SAMD9: variants seen among roughly 807,000 people sequenced by gnomAD.
SAMD9 encodes the protein sterile alpha motif domain-containing protein 9.
A neutral mutation model predicts 1.5 loss-of-function variants in SAMD9; 3 were observed. The observed-to-expected ratio is 2.05, with a 90% CI of 0.93 to 5.29. The LOEUF (loss-of-function observed/expected upper bound fraction) is 5.29, where lower values mean the gene tolerates loss of function less well. SAMD9 is among the 30% of genes most tolerant of loss of function. The pLI, the probability that SAMD9 is intolerant of heterozygous loss-of-function variation, is 0.02. For synonymous variants in SAMD9, 635 were observed against 631.9 expected (o/e 1.00, Z -0.07); for missense variants, 1,597 against 1,820.8 (o/e 0.88, Z 2.24).
In SAMD9 at chr7:93,101,911, G is replaced by A; in HGVS notation, c.4187C>T (p.Ser1396Phe). The change falls in exon 3 of 3, where the codon TCC (serine) becomes TTC (phenylalanine). Residue 1396 changes from serine to phenylalanine, a missense_variant. By Grantham distance (155) the Ser-to-Phe change is radical. This residue lies in a region of SAMD9 where 682 missense variants were observed against 810.0 expected (regional missense o/e 0.84). Coordinates refer to ENST00000379958, the MANE Select transcript of SAMD9 (RefSeq NM_017654.4). ...TAATCTGGAGGTAGGTTGGATACAGGAGAGAATAATGTTGGCCAAGATGAA... is the reference window on the plus strand; with the variant it reads ...TAATCTGGAGGTAGGTTGGATACAGAAGAGAATAATGTTGGCCAAGATGAA... ...LNFILANIILSCIQPTSRLVK... is the reference protein window; with the variant it reads ...LNFILANIILFCIQPTSRLVK... 1 of 1,613,866 alleles carries A rather than the reference G, an allele frequency of 6.2e-7. No individual in the cohort carries two copies. The highest frequency in any genetic ancestry group is 2.2e-5 in the East Asian group (1 of 44,874).
intron 2 of SAMD9, among the ~76,000 whole-genome samples, chr7:93,113,494 A>G (rs919258474): frequency 6.6e-5 from 10 of 152,250 alleles, no homozygotes; most frequent in Non-Finnish European, 1.5e-4. Flanking sequence ...AGCAAAAGAA[A>G]CTATCATCAG....
chr7:93,102,762 T>G lies in SAMD9; in HGVS notation c.3336A>C (p.Ile1112=), dbSNP rs749938836. The change falls in exon 3 of 3, where the codon ATA becomes ATC. Residue 1112 remains isoleucine, a synonymous_variant. Transcript: ENST00000379958. ...ALNWAKQAKI[I]EPDNSYISDT... ...CTGAGATATAAGAATTGTCAGGTTC[T>G]ATGATTTTTGCTTGTTTTGCCCAGT... 2 of 1,613,896 alleles carry G rather than the reference T, an allele frequency of 1.2e-6. No homozygotes were observed. Among genetic ancestry groups the G allele is most frequent in the South Asian group, 2.2e-5 (2 of 91,086 alleles).
chr7:93,104,064 T>C lies in SAMD9; in HGVS notation c.2034A>G (p.Ser678=). ...DKNKFLEFKA[S]KEEDFYRGGK... ...CACCTCGATAGAAGTCTTCCTCTTT[T>C]GATGCCTTGAATTCAAGGAATTTAT... Residue 678 remains serine (S), a synonymous_variant, in exon 3 of 3, where the codon TCA becomes TCG. Transcript: ENST00000379958. 1 of 1,614,000 alleles carries C rather than the reference T, an allele frequency of 6.2e-7. No homozygotes were observed. The highest frequency in any genetic ancestry group is 8.5e-7 in the Non-Finnish European group (1 of 1,179,882).
chr7:93,101,250 G>T lies in SAMD9; in HGVS notation c.*78C>A. The T allele has an allele frequency of 8.7e-7, 1 of 1,147,024 alleles. No homozygotes were observed. Among genetic ancestry groups the T allele is most frequent in the African/African-American group, 1.5e-5 (1 of 66,116 alleles). 71.1% of individuals were successfully genotyped at this position (1,147,024 alleles called of 1,614,324 possible). A position where few individuals can be genotyped will look rare whatever the true frequency, so the allele number is the denominator to read the frequency against. On this transcript the variant is annotated 3_prime_UTR_variant, in exon 3 of 3. Transcript: ENST00000379958. ...AGAGGCTGTATCTATAACCTTGCCG[G>T]TTTAAAGCATAGATCTTGAGTCCAA...
Position 93,103,390 on chromosome 7 carries a change from T to C in SAMD9, c.2708A>G (p.Asn903Ser), listed in dbSNP as rs1252182538. The C allele has an allele frequency of 6.2e-7, 1 of 1,613,452 alleles. No homozygotes were observed. The highest frequency in any genetic ancestry group is 1.3e-5 in the African/African-American group (1 of 74,916). ...GAAAATATTCTGCCCTTTCAGGATA[T>C]TCCGGACCACATTTTCTATGTATTC... Reference protein sequence around the residue: ...NKEYIENVVRNILKGQNIFTK... With the variant: ...NKEYIENVVRSILKGQNIFTK... The change falls in exon 3 of 3, where the codon AAT (asparagine) becomes AGT (serine). Residue 903 changes from asparagine to serine, a missense_variant. Transcript: ENST00000379958.
At chr7:93,112,210 C>A (rs1432634408) in intron 2 of SAMD9, among the ~76,000 whole-genome samples, 4 of 152,274 alleles carry the variant, frequency 2.6e-5, no homozygotes, top group East Asian at 1.9e-4. Context: ...AAAACCACAT[C>A]ATTATCTCAA....
At chr7:93,109,706 A>C (rs1378324068) in intron 2 of SAMD9, among the ~76,000 whole-genome samples, 1 of 152,238 alleles carries the variant, frequency 6.6e-6, no homozygotes, top group Non-Finnish European at 1.5e-5. Flanking sequence ...AAAGGGTATC[A>C]GTGATTGATG....
At position 93,102,166 on chromosome 7, in the gene SAMD9, TC is replaced by T; in HGVS notation, c.3931del (p.Glu1311LysfsTer19). The T allele has an allele frequency of 1.2e-6, 2 of 1,613,624 alleles. No homozygotes were observed. The highest frequency in any genetic ancestry group is 1.7e-6 in the Non-Finnish European group (2 of 1,179,706). On this transcript the variant is annotated frameshift_variant, in exon 3 of 3. Transcript: ENST00000379958. LOFTEE classifies it low-confidence loss of function (END_TRUNC). ...AAGACCTGTGTTGTTTTGTGATTCT[TC>T]TAAGAGACAAAATATATCTACATAT... ...KKYVDIFCLL[E>X]ESQNNTGLGS... is the part of the protein sequence containing the mutation.
Position 93,110,308 on chromosome 7 carries a change from C to T in SAMD9, c.-8-4203G>A, listed in dbSNP as rs537522900. ...GCCTTACAAGAGCTCCTGAAGGAAG[C>T]ACTAAACATGGAAAGGAAAATCCGG... On this transcript the variant is annotated intron_variant, in intron 2 of 2. Transcript: ENST00000379958. Among the ~76,000 whole-genome samples, 12 of 152,230 alleles carry T rather than the reference C, an allele frequency of 7.9e-5. No individual in the cohort carries two copies. In the East Asian group the frequency reaches 2.1e-3, roughly 27 times the overall value.
rs1791598414 is a variant in SAMD9 at position 93,104,611 on chromosome 7, C to T, written c.1487G>A (p.Gly496Asp). Reference protein sequence around the residue: ...YHQPSWIFCNGRLDLDSEKYK... With the variant: ...YHQPSWIFCNDRLDLDSEKYK... The stretch of plus-strand genomic sequence containing the variant: ...TTTTTCACTGTCAAGGTCTAACCTG[C>T]CATTGCAGAAAATCCAGCTGGGTTG... The change falls in exon 3 of 3, where the codon GGC (glycine) becomes GAC (aspartate). Residue 496 changes from glycine (G) to aspartate (D), a missense_variant. Around this residue, in one of 6 missense-constraint regions of SAMD9, gnomAD observed 358 missense variants for 460.4 expected, o/e 0.78. Coordinates refer to ENST00000379958, the MANE Select transcript of SAMD9 (RefSeq NM_017654.4). The T allele has an allele frequency of 2.5e-6, 4 of 1,613,886 alleles. No homozygotes were observed. In the Admixed American group the frequency reaches 5.0e-5, roughly 20 times the overall value.
rs1051821381 is a variant in SAMD9 at position 93,115,580 on chromosome 7, T to A, written c.-109-685A>T. On this transcript the variant is annotated intron_variant, in intron 1 of 2. Transcript: ENST00000379958. ...GATGGAAATATTTTATATCTTGATA[T>A]GGCTAGCGGTTGCACAGATAAGTAC... 3.3e-5 allele frequency among the ~76,000 whole-genome samples: 5 copies of A among 152,326 alleles called. No homozygotes were observed. The East Asian group carries it at 9.6e-4, about 29-fold the overall frequency.
At chr7:93,111,816 A>G (rs1223623850) in intron 2 of SAMD9, among the ~76,000 whole-genome samples, 1 of 152,224 alleles carries the variant, frequency 6.6e-6, no homozygotes, top group Non-Finnish European at 1.5e-5. Flanking sequence ...GCAACAATTA[A>G]TAGCCTACCA....
chr7:93,113,828 G>A (rs1791787980), intron 2 of SAMD9, among the ~76,000 whole-genome samples: 1 of 152,172 alleles, frequency 6.6e-6, no homozygotes, highest in Non-Finnish European at 1.5e-5. Context: ...TGGAAAAATA[G>A]GGACACTTTT....
rs752250037 is a variant in SAMD9, at chr7:93,103,874, C to G, written c.2224G>C (p.Gly742Arg). The G allele has an allele frequency of 6.2e-7, 1 of 1,613,982 alleles. No individual in the cohort carries two copies. Among genetic ancestry groups the G allele is most frequent in the Admixed American group, 1.7e-5 (1 of 60,016 alleles). ...IIHLYHHPGC[G>R]GTTLAMHILW... ...ATGTGCATAGCCAAGGTAGTTCCCCCACAGCCTGGATGATGATACAGATGA... is the reference window on the plus strand; with the variant it reads ...ATGTGCATAGCCAAGGTAGTTCCCCGACAGCCTGGATGATGATACAGATGA... Residue 742 changes from glycine to arginine, a missense_variant, in exon 3 of 3, where the codon GGG becomes CGG. Around this residue, in one of 6 missense-constraint regions of SAMD9, gnomAD observed 358 missense variants for 460.4 expected, o/e 0.78. Coordinates refer to ENST00000379958, the MANE Select transcript of SAMD9 (RefSeq NM_017654.4).
In SAMD9 at chr7:93,104,694, T is replaced by G. The variant is rs767256482; in HGVS notation, c.1404A>C (p.Val468=). The change falls in exon 3 of 3, where the codon GTA becomes GTC. Residue 468 remains valine, a synonymous_variant. Transcript: ENST00000379958. ...SRVANLHFPS[V]YVEQKTTPNE... is the part of the protein sequence containing the mutation. ...TTGGTGTGGTTTTCTGTTCTACATA[T>G]ACACTTGGAAAGTGAAGGTTTGCTA... The G allele has an allele frequency of 6.2e-7, 1 of 1,613,880 alleles. No individual in the cohort carries two copies. Among genetic ancestry groups the G allele is most frequent in the Non-Finnish European group, 8.5e-7 (1 of 1,179,908 alleles).
In SAMD9 at chr7:93,106,120, A is replaced by G; in HGVS notation, c.-8-15T>C. The G allele has an allele frequency of 6.6e-7, 1 of 1,519,854 alleles. No individual in the cohort carries two copies. Among genetic ancestry groups the G allele is most frequent in the Non-Finnish European group, 8.8e-7 (1 of 1,130,072 alleles). The allele number at this position is 1,519,854 out of a possible 1,614,324, so 94.1% of individuals were successfully genotyped here. ...CATTCTGATACCTATATGTAGAAAA[A>G]GAAAAATTATTTAGTATTATTAAAA... On this transcript the variant is annotated splice_polypyrimidine_tract_variant and intron_variant, in intron 2 of 2. Coordinates refer to ENST00000379958, the MANE Select transcript of SAMD9 (RefSeq NM_017654.4).
rs1235227754 is a variant in SAMD9, at chr7:93,100,195, A to T, written c.*1133T>A. 6.6e-6 allele frequency: 1 copy of T among 152,070 alleles called. No homozygotes were observed. Among genetic ancestry groups the T allele is most frequent in the African/African-American group, 2.4e-5 (1 of 41,412 alleles). 9.4% of individuals were successfully genotyped at this position (152,070 alleles called of 1,614,324 possible). A position where few individuals can be genotyped will look rare whatever the true frequency, so the allele number is the denominator to read the frequency against. ...AATTTCCCCTTTCTGGATATTGCTG[A>T]TTGCATATTTGTGGTGGTGTTAGTA... On this transcript the variant is annotated 3_prime_UTR_variant, in exon 3 of 3. Coordinates refer to ENST00000379958, the MANE Select transcript of SAMD9 (RefSeq NM_017654.4).
chr7:93,101,210 C>A lies in SAMD9; in HGVS notation c.*118G>T. On this transcript the variant is annotated 3_prime_UTR_variant, in exon 3 of 3. Coordinates refer to ENST00000379958, the MANE Select transcript of SAMD9 (RefSeq NM_017654.4). ...AAGAGGAAATTAAATACTGCATGTA[C>A]AGATCTGAAGAGCTAGAGGCTGTAT... The A allele has an allele frequency of 2.5e-6, 2 of 789,742 alleles. No individual in the cohort carries two copies. Among genetic ancestry groups the A allele is most frequent in the Non-Finnish European group, 4.4e-6 (2 of 450,330 alleles). 48.9% of individuals were successfully genotyped at this position (789,742 alleles called of 1,614,324 possible).
chr7:93,117,705 G>A (rs954051395), intron 1 of SAMD9, among the ~76,000 whole-genome samples, 158 bp downstream of exon 1: 11 of 152,196 alleles, frequency 7.2e-5, no homozygotes, highest in African/African-American at 2.4e-4. Context: ...GCAGACTGCT[G>A]TCAGAGCAAC....
Sources: allele counts gnomAD v4.1 joint callset (sites outside exome capture counted in the v4.1 genomes callset), GRCh38; gene constraint gnomAD v4.1.1; regional missense constraint gnomAD v4.1.1; transcripts MANE v1.5; gene names NCBI Gene and HGNC (gene_info 2026-07-23, HGNC 2026-07-21).